Variants in MAGI3 observed in about 807,000 individuals in gnomAD.
MAGI3 encodes membrane-associated guanylate kinase, WW and PDZ domain-containing protein 3.
MAGI3 carries 43 observed loss-of-function variants against 121.8 expected under a neutral mutation model. The ratio of observed to expected loss-of-function variants is 0.35; its 90% CI spans 0.28 to 0.46. The LOEUF is 0.46. Among genes scored for constraint, MAGI3 ranks in the 20% least tolerant of loss-of-function variants. The pLI, the probability that MAGI3 is intolerant of heterozygous loss-of-function variation, is 1.00. For missense variants in MAGI3, 1,547 were observed against 1,797.3 expected, an observed-to-expected ratio of 0.86 and a Z score of 2.52; for synonymous variants, 553 against 639.3, an observed-to-expected ratio of 0.86 and a Z score of 2.04.
At chr1:113,553,662 T>C (rs1659871797) in intron 2 of MAGI3, among the ~76,000 whole-genome samples, 2 of 152,126 alleles carry the variant, frequency 1.3e-5, no homozygotes, top group Non-Finnish European at 2.9e-5. Flanking sequence ...TGCATGCAAC[T>C]TAACTGCTAG....
At chr1:113,411,886 T>A (rs551026203) in intron 1 of MAGI3, among the ~76,000 whole-genome samples, 1 of 152,226 alleles carries the variant, frequency 6.6e-6, no homozygotes, top group South Asian at 2.1e-4. Flanking sequence ...TTTATTTATT[T>A]TATTATACGT....
chr1:113,625,311 A>T (rs528549529), intron 9 of MAGI3, among the ~76,000 whole-genome samples: 2 of 152,322 alleles, frequency 1.3e-5, no homozygotes, highest in South Asian at 4.1e-4. Flanking sequence ...TGAAAAGAAT[A>T]TTGATTCTTC....
At chr1:113,596,928 T>G (rs1288540993) in intron 6 of MAGI3, among the ~76,000 whole-genome samples, 1 of 152,128 alleles carries the variant, frequency 6.6e-6, no homozygotes, top group African/African-American at 2.4e-5. Flanking sequence ...CTTAAAAGGT[T>G]AAATATAAAT....
intron 6 of MAGI3, among the ~76,000 whole-genome samples, chr1:113,596,643 T>C (rs1557842952): frequency 6.6e-6 from 1 of 152,132 alleles, no homozygotes; most frequent in African/African-American, 2.4e-5. Flanking sequence ...TGCCAAATTT[T>C]AAAATGGGCA....
chr1:113,474,215 C>T (rs926072163), intron 1 of MAGI3, among the ~76,000 whole-genome samples: 2 of 152,080 alleles, frequency 1.3e-5, no homozygotes, highest in African/African-American at 4.8e-5. Context: ...CTGTAGGTTG[C>T]CTGTTCACTC....
chr1:113,571,355 A>T (rs1339681639), intron 2 of MAGI3, among the ~76,000 whole-genome samples: 1 of 152,196 alleles, frequency 6.6e-6, no homozygotes, highest in Non-Finnish European at 1.5e-5. Context: ...CCTTTTGCTT[A>T]GGATTGTCTT....
At chr1:113,481,346 T>C (rs1272294157) in intron 1 of MAGI3, among the ~76,000 whole-genome samples, 1 of 152,244 alleles carries the variant, frequency 6.6e-6, no homozygotes, top group Non-Finnish European at 1.5e-5. Flanking sequence ...TCTTATATTT[T>C]GATTGTTCAG....
Position 113,573,459 on chromosome 1 carries a change from A to T in MAGI3, c.434-7083A>T, listed in dbSNP as rs550409466. ...TCCTTAATTTCGTTATTTACCCAGT[A>T]GTCATTCAGGAGCAGGTTTTTCAGT... On this transcript the variant is annotated intron_variant, in intron 2 of 20. Coordinates refer to ENST00000307546, the MANE Select transcript of MAGI3 (RefSeq NM_001142782.2). Among the ~76,000 whole-genome samples the T allele has an allele frequency of 4.6e-5, 7 of 152,322 alleles. No homozygotes were observed. The East Asian group carries it at 1.3e-3, about 29-fold the overall frequency.
intron 1 of MAGI3, among the ~76,000 whole-genome samples, chr1:113,535,518 G>A (rs191811866): frequency 2.0e-5 from 3 of 151,910 alleles, no homozygotes; most frequent in African/African-American, 4.8e-5. Flanking sequence ...TTGAAGACAC[G>A]TTTCATTATT....
chr1:113,601,613 C>T (rs1479701616), intron 6 of MAGI3, among the ~76,000 whole-genome samples: 1 of 148,954 alleles, frequency 6.7e-6, no homozygotes, highest in Non-Finnish European at 1.5e-5. Flanking sequence ...ACCACTGTTA[C>T]ACCGTTGGTG....
At chr1:113,583,503 T>C (rs1028110716) in intron 3 of MAGI3, among the ~76,000 whole-genome samples, 2 of 152,248 alleles carry the variant, frequency 1.3e-5, no homozygotes, top group South Asian at 2.1e-4. Context: ...TTACCAAGAA[T>C]TCTCAGTAAG....
At chr1:113,607,276 C>T (rs1649831543) in intron 6 of MAGI3, among the ~76,000 whole-genome samples, 1 of 152,056 alleles carries the variant, frequency 6.6e-6, no homozygotes, top group South Asian at 2.1e-4. Context: ...TTACTGATTC[C>T]GTATGTCGGA....
chr1:113,567,042 C>A (rs1202129274), intron 2 of MAGI3, among the ~76,000 whole-genome samples: 7 of 145,996 alleles, frequency 4.8e-5, no homozygotes, highest in East Asian at 2.0e-4. Context: ...ATTGATAAAC[C>A]CTTACTTAGA....
chr1:113,457,846 A>G (rs183190903), intron 1 of MAGI3, among the ~76,000 whole-genome samples: 2 of 152,290 alleles, frequency 1.3e-5, no homozygotes, highest in Admixed American at 1.3e-4. Context: ...TGACATTTGA[A>G]TTGAGTCATG....
chr1:113,522,722 C>T (rs1489437119), intron 1 of MAGI3, among the ~76,000 whole-genome samples: 3 of 152,102 alleles, frequency 2.0e-5, no homozygotes, highest in Admixed American at 1.3e-4. Context: ...TATCCACATA[C>T]CCTTTGCTTG....
intron 1 of MAGI3, among the ~76,000 whole-genome samples, chr1:113,399,635 G>A (rs1404657761): frequency 6.6e-6 from 1 of 151,762 alleles, no homozygotes; most frequent in African/African-American, 2.4e-5. Context: ...TTAAAAAATT[G>A]AAATACTGAT....
chr1:113,467,257 G>A (rs188333516), intron 1 of MAGI3, among the ~76,000 whole-genome samples: 42 of 152,108 alleles, frequency 2.8e-4, no homozygotes, highest in Non-Finnish European at 4.4e-4. Flanking sequence ...AGTTTCTGAG[G>A]TTCCTCTTGT....
intron 1 of MAGI3, among the ~76,000 whole-genome samples, chr1:113,452,915 A>G (rs1014970819): frequency 5.9e-5 from 9 of 152,198 alleles, no homozygotes; most frequent in Admixed American, 4.6e-4. Context: ...ATAGCAGGAA[A>G]TCTTACTTTG....
In MAGI3 at chr1:113,504,472, A is replaced by G. The variant is rs76903950; in HGVS notation, c.317-45043A>G. On this transcript the variant is annotated intron_variant, in intron 1 of 20. Transcript: ENST00000307546. ...GTTTCAAAAGATGCTCAGACTTATT[A>G]ACTGTTAGTGATATGCAAATTAAAA... 4.1e-4 allele frequency among the ~76,000 whole-genome samples: 63 copies of G among 152,242 alleles called. No individual in the cohort carries two copies. The East Asian group carries it at 0.012, about 28-fold the overall frequency.
Sources: allele counts gnomAD v4.1 joint callset (sites outside exome capture counted in the v4.1 genomes callset), GRCh38; gene constraint gnomAD v4.1.1; transcripts MANE v1.5; gene names NCBI Gene and HGNC (gene_info 2026-07-23, HGNC 2026-07-21).